The following PTPRG variants were observed in gnomAD, a reference collection of about 807,000 sequenced individuals.
PTPRG encodes the protein receptor-type tyrosine-protein phosphatase gamma.
Under a neutral mutation model 165.3 loss-of-function variants are expected in PTPRG, and 102 were observed. That is an observed-to-expected ratio of 0.62 (90% CI 0.53 to 0.73). PTPRG has a LOEUF of 0.73. Ranked by LOEUF, PTPRG falls within the 30% of genes least tolerant of loss-of-function variation. PTPRG has a pLI of 0.00. For synonymous variants in PTPRG, 675 were observed against 669.5 expected (o/e 1.01, Z -0.13); for missense variants, 1,866 against 1,861.4 (o/e 1.00, Z -0.05).
chr3:62,226,208 A>G (rs1700760307), intron 13 of PTPRG, among the ~76,000 whole-genome samples: 1 of 152,202 alleles, frequency 6.6e-6, no homozygotes, highest in Non-Finnish European at 1.5e-5. Flanking sequence ...TCTTGTCCAG[A>G]GGAGGAGTAG....
chr3:61,838,981 A>G (rs766897758), intron 2 of PTPRG, among the ~76,000 whole-genome samples: 4 of 152,198 alleles, frequency 2.6e-5, no homozygotes, highest in Admixed American at 6.5e-5. Context: ...TATTAATTAA[A>G]ATGTCTGCAA....
At chr3:61,622,875 T>C (rs1701502726) in intron 1 of PTPRG, among the ~76,000 whole-genome samples, 1 of 152,196 alleles carries the variant, frequency 6.6e-6, no homozygotes, top group Non-Finnish European at 1.5e-5. Context: ...CAAATTGTCT[T>C]TAAGAAGGTA....
chr3:61,679,706 G>A (rs915205471), intron 1 of PTPRG, among the ~76,000 whole-genome samples: 8 of 152,068 alleles, frequency 5.3e-5, no homozygotes, highest in African/African-American at 1.4e-4. Context: ...ACTTGAACCC[G>A]GGAGGTAGAA....
At chr3:61,661,311 A>G (rs919756351) in intron 1 of PTPRG, among the ~76,000 whole-genome samples, 4 of 84,710 alleles carry the variant, frequency 4.7e-5, no homozygotes, top group Non-Finnish European at 6.6e-5. Flanking sequence ...CTATTTTTAT[A>G]AAAGTTTCCT....
At chr3:61,641,576 A>G (rs145114150) in intron 1 of PTPRG, among the ~76,000 whole-genome samples, 13 of 152,150 alleles carry the variant, frequency 8.5e-5, no homozygotes, top group African/African-American at 3.1e-4. Context: ...AATGTTTCCA[A>G]TTCATTTAAG....
rs547541027 is a variant in PTPRG, at chr3:62,017,614, CG to C, written c.519+14121del. On this transcript the variant is annotated intron_variant, in intron 4 of 29. Transcript: ENST00000474889. ...GTATTTTTTTTTTTTTTAGTAGAGACGGGGTTTCACCGTGTTAGCCAGGATG... is the reference window on the plus strand; with the variant it reads ...GTATTTTTTTTTTTTTTAGTAGAGACGGGTTTCACCGTGTTAGCCAGGATG... Among the ~76,000 whole-genome samples, 123 of 145,228 alleles carry C rather than the reference CG, an allele frequency of 8.5e-4. 1 individual carries two copies. The highest frequency in any genetic ancestry group is 6.4e-3 in the East Asian group (31 of 4,878).
At chr3:62,105,121 T>C (rs894448436) in intron 5 of PTPRG, among the ~76,000 whole-genome samples, 1 of 152,228 alleles carries the variant, frequency 6.6e-6, no homozygotes, top group African/African-American at 2.4e-5. Flanking sequence ...TTTTTATTAA[T>C]GGATCTGGAA....
chr3:62,265,070 T>C (rs976031821), intron 17 of PTPRG, among the ~76,000 whole-genome samples: 2 of 152,212 alleles, frequency 1.3e-5, no homozygotes, highest in African/African-American at 4.8e-5. Flanking sequence ...TTCGTGCTTA[T>C]TGGCCATTTG....
Position 62,244,460 on chromosome 3 carries a change from G to A in PTPRG, c.2467+562G>A, listed in dbSNP as rs56299880. The stretch of plus-strand genomic sequence containing the variant: ...AGTGGGTTAGGTGTAATAGGATGTG[G>A]GATTTGAAGATCTCACCCACCATTT... On this transcript the variant is annotated intron_variant, in intron 15 of 29. Transcript: ENST00000474889. 2.7e-3 allele frequency among the ~76,000 whole-genome samples: 407 copies of A among 152,170 alleles called. 3 individuals are homozygous for A. Among genetic ancestry groups the A allele is most frequent in the Non-Finnish European group, 4.8e-3 (326 of 68,000 alleles).
intron 1 of PTPRG, among the ~76,000 whole-genome samples, chr3:61,741,786 C>G (rs961695699): frequency 1.3e-5 from 2 of 152,028 alleles, no homozygotes; most frequent in African/African-American, 4.8e-5. Flanking sequence ...TCCTTTGTGG[C>G]CATGTATCTT....
intron 2 of PTPRG, among the ~76,000 whole-genome samples, chr3:61,807,844 C>G (rs1180167316): frequency 6.6e-6 from 1 of 152,082 alleles, no homozygotes; most frequent in Non-Finnish European, 1.5e-5. Flanking sequence ...CCCTCTTGTT[C>G]CTGCAAAGCA....
At chr3:61,742,395 G>T in intron 1 of PTPRG, 1 of 1,181,028 alleles carries the variant, frequency 8.5e-7, no homozygotes, top group Non-Finnish European at 1.2e-6. Flanking sequence ...TGGGCCTTTG[G>T]GTCTGGAATT....
intron 8 of PTPRG, among the ~76,000 whole-genome samples, chr3:62,171,649 C>T (rs746068804): frequency 6.6e-6 from 1 of 151,988 alleles, no homozygotes; most frequent in Non-Finnish European, 1.5e-5. Context: ...AACATTTACC[C>T]ATGTTTGGCA....
chr3:61,690,727 TTC>T (rs1489376435), intron 1 of PTPRG, among the ~76,000 whole-genome samples: 6 of 152,326 alleles, frequency 3.9e-5, no homozygotes, highest in African/African-American at 1.2e-4. Context: ...GTGACTCCTC[TTC>T]TCTTTGAAAT....
chr3:61,965,239 T>C (rs9831213), intron 2 of PTPRG, among the ~76,000 whole-genome samples: 33,450 of 136,468 alleles, frequency 0.25, 4,487 homozygotes, highest in African/African-American at 0.38. Flanking sequence ...AGCGAAACTC[T>C]GTCTCAAAAA....
At chr3:62,215,142 G>A (rs1379291301) in intron 12 of PTPRG, among the ~76,000 whole-genome samples, 1 of 152,196 alleles carries the variant, frequency 6.6e-6, no homozygotes, top group Non-Finnish European at 1.5e-5. Context: ...TGCTCCTGAA[G>A]AGCCTTGCTT....
At chr3:62,132,921 C>G (rs1390657383) in intron 6 of PTPRG, among the ~76,000 whole-genome samples, 1 of 152,228 alleles carries the variant, frequency 6.6e-6, no homozygotes, top group African/African-American at 2.4e-5. Context: ...TAAATCAGAA[C>G]ACCTTAAGAT....
At chr3:61,693,431 A>G (rs1274238709) in intron 1 of PTPRG, among the ~76,000 whole-genome samples, 2 of 152,192 alleles carry the variant, frequency 1.3e-5, no homozygotes, top group Admixed American at 1.3e-4. Flanking sequence ...ATGTGTCATA[A>G]TTGAATACAT....
intron 7 of PTPRG, 54 bp downstream of exon 7, chr3:62,157,278 T>G: frequency 1.3e-6 from 2 of 1,567,520 alleles, no homozygotes; most frequent in Non-Finnish European, 1.8e-6. Context: ...TGTATTGACT[T>G]AACGATCCAG....
Sources: gnomAD v4.1 joint callset for allele counts (sites outside exome capture counted in the v4.1 genomes callset) on GRCh38, gnomAD v4.1.1 for gene constraint, MANE v1.5 for transcripts, NCBI Gene and HGNC (gene_info 2026-07-23, HGNC 2026-07-21) for gene names.